PHF20: variants seen among roughly 807,000 people sequenced by gnomAD.
PHF20 encodes the protein glioma-expressed antigen 2.
In PHF20, 23 loss-of-function variants were observed where a neutral mutation model predicts 113.5. The observed-to-expected ratio is 0.20, with a 90% confidence interval of 0.15 to 0.29. The LOEUF is 0.29. PHF20 is among the 10% of genes least tolerant of loss of function. The probability of loss-of-function intolerance (pLI) is 1.00; values close to 1 mark genes in which losing one functional copy is unlikely to be tolerated. For synonymous variants in PHF20, 434 were observed against 457.3 expected, an observed-to-expected ratio of 0.95 and a Z score of 0.65; for missense variants, 943 against 1,219.6, an observed-to-expected ratio of 0.77 and a Z score of 3.38.
chr20:35,947,773 G>A lies in PHF20; in HGVS notation c.*146G>A, dbSNP rs1475181964. 3.7e-6 allele frequency: 3 copies of A among 810,046 alleles called. No homozygotes were observed. In the African/African-American group the frequency reaches 5.2e-5, roughly 14 times the overall value. The allele number at this position is 810,046 out of a possible 1,614,324, so 50.2% of individuals were successfully genotyped here. ...CTGGGCCAGGAGTGTGGTGGACATT[G>A]GACAAAGAGGCCATTTTGGCTGCGG... On this transcript the variant is annotated 3_prime_UTR_variant, in exon 18 of 18. Transcript: ENST00000374012.
chr20:35,817,683 A>G (rs1362081407), intron 2 of PHF20, among the ~76,000 whole-genome samples: 1 of 152,142 alleles, frequency 6.6e-6, no homozygotes, highest in Non-Finnish European at 1.5e-5. Context: ...CTGTAGTCCC[A>G]GCTACTCAGG....
intron 2 of PHF20, among the ~76,000 whole-genome samples, chr20:35,836,448 C>T (rs1353827790): frequency 6.6e-6 from 1 of 152,118 alleles, no homozygotes; most frequent in Admixed American, 6.6e-5. Flanking sequence ...TGTCTTCATT[C>T]TTTCTTGTGG....
chr20:35,849,759 C>T (rs1052489348), intron 4 of PHF20, among the ~76,000 whole-genome samples: 34 of 151,744 alleles, frequency 2.2e-4, no homozygotes, highest in Middle Eastern at 3.5e-3. Flanking sequence ...GCCGGCAAGG[C>T]GGCCCCTTTA....
chr20:35,904,501 T>C (rs2055161945), intron 10 of PHF20, among the ~76,000 whole-genome samples: 1 of 151,972 alleles, frequency 6.6e-6, no homozygotes, highest in African/African-American at 2.4e-5. Flanking sequence ...TCCAGGCTGG[T>C]CTTGAACTCC....
intron 17 of PHF20, among the ~76,000 whole-genome samples, chr20:35,944,467 T>C (rs1332230418): frequency 6.6e-6 from 1 of 152,248 alleles, no homozygotes. Context: ...AAGAGGGGCC[T>C]CTCAGCAACT....
chr20:35,845,780 CT>C lies in PHF20; in HGVS notation c.256-1553del, dbSNP rs398061407. 2.5e-3 allele frequency among the ~76,000 whole-genome samples: 333 copies of C among 135,226 alleles called. 2 individuals carry two copies. The highest frequency in any genetic ancestry group is 0.015 in the South Asian group (65 of 4,278). The allele number at this position is 135,226 out of a possible 152,430, so 88.7% of individuals were successfully genotyped here. ...TCAGCCCTGCCTTCTATTTTTCTTTCTTTTTTTTTTTTTTTTTGAGGCAGTC... is the reference window on the plus strand; with the variant it reads ...TCAGCCCTGCCTTCTATTTTTCTTTCTTTTTTTTTTTTTTTTGAGGCAGTC... On this transcript the variant is annotated intron_variant, in intron 3 of 17. Coordinates refer to ENST00000374012, the MANE Select transcript of PHF20 (RefSeq NM_016436.5).
intron 15 of PHF20, among the ~76,000 whole-genome samples, chr20:35,938,063 G>A (rs1048853516): frequency 6.6e-6 from 1 of 152,020 alleles, no homozygotes; most frequent in African/African-American, 2.4e-5. Context: ...TAGTAGAGGC[G>A]GGGTTTCACC....
intron 9 of PHF20, among the ~76,000 whole-genome samples, chr20:35,873,572 G>T (rs76978601): frequency 0.039 from 5,810 of 150,298 alleles, 215 homozygotes; most frequent in South Asian, 0.2. Context: ...GGGTTGAAGC[G>T]ATTCATCTGC....
intron 10 of PHF20, among the ~76,000 whole-genome samples, chr20:35,909,554 C>T (rs1213644823): frequency 1.3e-5 from 2 of 152,152 alleles, no homozygotes; most frequent in African/African-American, 4.8e-5. Flanking sequence ...ATTCAGAAGG[C>T]ATCTGACCAT....
rs1033152132 is a variant in PHF20, at chr20:35,917,484, A to T, written c.1826A>T (p.Glu609Val). 6.2e-7 allele frequency: 1 copy of T among 1,612,442 alleles called. No homozygotes were observed. Among genetic ancestry groups the T allele is most frequent in the Middle Eastern group, 1.7e-4 (1 of 6,058 alleles). The change falls in exon 13 of 18, where the codon GAG (glutamate) becomes GTG (valine). Residue 609 changes from glutamate (E) to valine (V), a missense_variant and splice_region_variant. Around this residue, in one of 3 missense-constraint regions of PHF20, gnomAD observed 592 missense variants for 787.2 expected, o/e 0.75. Coordinates refer to ENST00000374012, the MANE Select transcript of PHF20 (RefSeq NM_016436.5). ...GHHKGKVKAL[E>V]EDNLSESSSE... is the part of the protein sequence containing the mutation. ...ACTGTTGTTTTCCCTTTCCTCGTAG[A>T]GGAGGATAATTTGAGTGAGTCCTCT... is the stretch of plus-strand genomic sequence containing the variant.
intron 1 of PHF20, among the ~76,000 whole-genome samples, 179 bp from the exon 2 acceptor site, chr20:35,801,312 C>A (rs2041776917): frequency 6.6e-6 from 1 of 152,108 alleles, no homozygotes; most frequent in South Asian, 2.1e-4. Context: ...CCACAGGAAG[C>A]TGCACGATGG....
rs369606327 is a variant in PHF20 at position 35,846,118 on chromosome 20, T to C, written c.256-1232T>C. Among the ~76,000 whole-genome samples the C allele has an allele frequency of 3.0e-4, 46 of 152,242 alleles. 1 individual carries two copies. The Middle Eastern group carries it at 0.017, about 56-fold the overall frequency. ...CTTGAACTATTGCTGGCCTTTTTTT[T>C]CTTTTTCCCAATTAAGGATTATTCA... On this transcript the variant is annotated intron_variant, in intron 3 of 17. Coordinates refer to ENST00000374012, the MANE Select transcript of PHF20 (RefSeq NM_016436.5).
chr20:35,908,592 C>CTG (rs1413137921), intron 10 of PHF20, among the ~76,000 whole-genome samples: 2 of 152,276 alleles, frequency 1.3e-5, no homozygotes, highest in South Asian at 2.1e-4. Flanking sequence ...AGGGAGCAGT[C>CTG]TGTGTGTGTG....
intron 2 of PHF20, among the ~76,000 whole-genome samples, chr20:35,816,123 AT>A (rs1378382427): frequency 6.6e-6 from 1 of 151,286 alleles, no homozygotes; most frequent in Non-Finnish European, 1.5e-5. Flanking sequence ...TGCCCAGCCG[AT>A]TTTTGTATTT....
At chr20:35,821,671 T>C (rs2042171615) in intron 2 of PHF20, among the ~76,000 whole-genome samples, 1 of 151,874 alleles carries the variant, frequency 6.6e-6, no homozygotes, top group South Asian at 2.1e-4. Context: ...AAAAATAAAG[T>C]TGCTGTGGTT....
chr20:35,865,868 A>C (rs1353142691), intron 6 of PHF20, among the ~76,000 whole-genome samples: 1 of 152,078 alleles, frequency 6.6e-6, no homozygotes, highest in Non-Finnish European at 1.5e-5. Flanking sequence ...TGGCTCAGGA[A>C]TTTGAGACCA....
At chr20:35,842,453 C>T (rs1467724235) in intron 2 of PHF20, 120 bp from the exon 3 acceptor site, 1 of 856,984 alleles carries the variant, frequency 1.2e-6, no homozygotes, top group Non-Finnish European at 1.8e-6. Context: ...CACAGAGTCT[C>T]TAAACGGTAG....
At chr20:35,778,529 C>A (rs1386893107) in intron 1 of PHF20, among the ~76,000 whole-genome samples, 1 of 152,050 alleles carries the variant, frequency 6.6e-6, no homozygotes, top group African/African-American at 2.4e-5. Context: ...TCGGATGGAT[C>A]ACCTGAAGTC....
intron 1 of PHF20, among the ~76,000 whole-genome samples, chr20:35,789,424 C>T (rs1218961976): frequency 6.8e-6 from 1 of 146,084 alleles, no homozygotes; most frequent in Non-Finnish European, 1.5e-5. Flanking sequence ...GTGCAAGACT[C>T]CATCAAAAAA....
Sources: gnomAD v4.1 joint callset for allele counts (sites outside exome capture counted in the v4.1 genomes callset) on GRCh38, gnomAD v4.1.1 for gene constraint, gnomAD v4.1.1 regional missense constraint, MANE v1.5 for transcripts, NCBI Gene and HGNC (gene_info 2026-07-23, HGNC 2026-07-21) for gene names.